The following NFIX variants were observed in gnomAD, a reference collection of about 807,000 sequenced individuals.
The protein encoded by NFIX is nuclear factor 1 X-type.
A neutral mutation model predicts 53.3 loss-of-function variants in NFIX; 2 were observed. The ratio of observed to expected loss-of-function variants is 0.04; its 90% CI spans 0.02 to 0.12. The LOEUF (loss-of-function observed/expected upper bound fraction) is 0.12, where lower values mean the gene tolerates loss of function less well. Ranked by LOEUF, NFIX falls within the 10% of genes least tolerant of loss-of-function variation. NFIX has a pLI of 1.00. For synonymous variants in NFIX, 244 were observed against 289.0 expected, an observed-to-expected ratio of 0.84 and a Z score of 1.58; for missense variants, 310 against 674.5, an observed-to-expected ratio of 0.46 and a Z score of 5.99.
At chr19:13,015,689 G>A (rs1175967195) in intron 1 of NFIX, among the ~76,000 whole-genome samples, 5 of 152,170 alleles carry the variant, frequency 3.3e-5, no homozygotes, top group Admixed American at 3.3e-4. Flanking sequence ...TCAGCTCGGC[G>A]GGTCCTGTTT....
rs896556316 is a variant in NFIX, at chr19:13,043,791, T to G, written c.559+18239T>G. Among the ~76,000 whole-genome samples the G allele has an allele frequency of 1.1e-4, 17 of 152,098 alleles. No individual in the cohort carries two copies. Among genetic ancestry groups the G allele is most frequent in the Non-Finnish European group, 1.9e-4 (13 of 67,994 alleles). ...TTGGTCCCCACTGCCATGGCACTCT[T>G]ATCTGTGTGCCTGAATATGCATGCT... On this transcript the variant is annotated intron_variant, in intron 2 of 10. Transcript: ENST00000592199. The surrounding 1 kb of genome is among the most constrained non-coding windows in gnomAD (Gnocchi z 4.0).
At chr19:13,024,764 G>T (rs1472414819) in intron 1 of NFIX, 1 of 1,514,666 alleles carries the variant, frequency 6.6e-7, no homozygotes, top group Non-Finnish European at 8.9e-7. Flanking sequence ...GTGTGTAGAG[G>T]CTCCCGGTGC....
chr19:13,019,390 C>T (rs2012839046), intron 1 of NFIX, among the ~76,000 whole-genome samples: 1 of 152,160 alleles, frequency 6.6e-6, no homozygotes, highest in African/African-American at 2.4e-5. Context: ...CCATGCATTT[C>T]TTCTCATGGA....
In NFIX at chr19:13,072,802, G is replaced by A. The variant is rs1027224730; in HGVS notation, c.560-245G>A. ...TGCACAGGATGGTCCCCACCAGAGAGAGCAATCCAGGCCAAATGTCAGCAG... is the reference window on the plus strand; with the variant it reads ...TGCACAGGATGGTCCCCACCAGAGAAAGCAATCCAGGCCAAATGTCAGCAG... On this transcript the variant is annotated intron_variant, in intron 2 of 10. Transcript: ENST00000592199. The surrounding 1 kb of genome is among the most constrained non-coding windows in gnomAD (Gnocchi z 4.0). Among the ~76,000 whole-genome samples the A allele has an allele frequency of 2.6e-5, 4 of 152,226 alleles. No individual in the cohort carries two copies. The highest frequency in any genetic ancestry group is 5.9e-5 in the Non-Finnish European group (4 of 68,046).
At chr19:13,054,498 G>A (rs1383135302) in intron 2 of NFIX, among the ~76,000 whole-genome samples, 1 of 152,108 alleles carries the variant, frequency 6.6e-6, no homozygotes, top group Non-Finnish European at 1.5e-5. Context: ...AGTCTCCAGA[G>A]TCTTGGGTGG....
chr19:13,079,199 C>T (rs1039635530), intron 7 of NFIX, among the ~76,000 whole-genome samples: 4 of 152,212 alleles, frequency 2.6e-5, no homozygotes, highest in African/African-American at 9.6e-5. Context: ...GAAGAGTACT[C>T]CTAAGGAGCC....
chr19:13,013,063 C>CT lies in NFIX; in HGVS notation c.28-11957dup, dbSNP rs1327003434. The stretch of plus-strand genomic sequence containing the variant: ...CGGGCCGCGGGGAGTTGCGCAGACT[C>CT]TAAAAAAAAAACCTTTAAAAACCCA... On this transcript the variant is annotated intron_variant, in intron 1 of 10. Coordinates refer to ENST00000592199, the MANE Select transcript of NFIX (RefSeq NM_001365902.3). The surrounding 1 kb of genome is among the most constrained non-coding windows in gnomAD (Gnocchi z 5.9). 1.7e-5 allele frequency among the ~76,000 whole-genome samples: 2 copies of CT among 118,566 alleles called. No homozygotes were observed. Among genetic ancestry groups the CT allele is most frequent in the Non-Finnish European group, 3.7e-5 (2 of 53,702 alleles). 77.8% of individuals were successfully genotyped at this position (118,566 alleles called of 152,430 possible).
In NFIX at chr19:13,081,535, C is replaced by T. The variant is rs1411501311; in HGVS notation, c.1079-145C>T. On this transcript the variant is annotated intron_variant, in intron 7 of 10. Transcript: ENST00000592199. This position sits in a 1 kb window ranked among gnomAD's most constrained non-coding sequence, Gnocchi z 4.7. The stretch of plus-strand genomic sequence containing the variant: ...CCTGATGACTGACTTTTTTGTGCCG[C>T]CTTAACTTTTGTGCCTGTGGCGGCT... The T allele has an allele frequency of 4.6e-6, 3 of 649,460 alleles. No homozygotes were observed. Among genetic ancestry groups the T allele is most frequent in the African/African-American group, 3.6e-5 (2 of 54,852 alleles). The allele number at this position is 649,460 out of a possible 1,614,324, so 40.2% of individuals were successfully genotyped here.
chr19:13,016,442 G>C (rs181263887), intron 1 of NFIX, among the ~76,000 whole-genome samples: 9 of 152,258 alleles, frequency 5.9e-5, no homozygotes, highest in Admixed American at 5.9e-4. Context: ...AAATGGTGAG[G>C]AGTAAGTTAC....
intron 1 of NFIX, among the ~76,000 whole-genome samples, chr19:13,007,118 C>T (rs551316196): frequency 5.2e-4 from 79 of 152,276 alleles, no homozygotes; most frequent in Middle Eastern, 6.8e-3. Flanking sequence ...CGCTCCCTCC[C>T]TTCCTCCCCC....
chr19:13,092,691 G>T (rs953977602), intron 10 of NFIX, among the ~76,000 whole-genome samples: 4 of 152,226 alleles, frequency 2.6e-5, no homozygotes, highest in African/African-American at 9.6e-5. Flanking sequence ...TCTCCCCTTG[G>T]GAAGGGGGTC....
In NFIX at chr19:13,067,156, G is replaced by A. The variant is rs1347284125; in HGVS notation, c.560-5891G>A. Among the ~76,000 whole-genome samples, 2 of 152,214 alleles carry A rather than the reference G, an allele frequency of 1.3e-5. No homozygotes were observed. Among genetic ancestry groups the A allele is most frequent in the Admixed American group, 6.5e-5 (1 of 15,286 alleles). ...AGGAAGCGGGAGAGAAGTAGGAGGC[G>A]GGTGCAGTGCTGGGAGGGCCAGTGA... On this transcript the variant is annotated intron_variant, in intron 2 of 10. Coordinates refer to ENST00000592199, the MANE Select transcript of NFIX (RefSeq NM_001365902.3). This position sits in a 1 kb window ranked among gnomAD's most constrained non-coding sequence, Gnocchi z 4.2.
chr19:13,059,774 A>AT (rs1555701795), intron 2 of NFIX, among the ~76,000 whole-genome samples: 148 of 123,206 alleles, frequency 1.2e-3, no homozygotes, highest in South Asian at 1.7e-3. Context: ...TTTAATTAGA[A>AT]TTCTTTTTTT....
chr19:13,085,548 C>G (rs2017729022), intron 8 of NFIX, among the ~76,000 whole-genome samples: 1 of 152,226 alleles, frequency 6.6e-6, no homozygotes, highest in Admixed American at 6.5e-5. Flanking sequence ...GCTGCAAACC[C>G]CCACGCTCTG....
At position 13,045,440 on chromosome 19, in the gene NFIX, G is replaced by A. The variant is rs971185083; in HGVS notation, c.559+19888G>A. 3.9e-5 allele frequency among the ~76,000 whole-genome samples: 6 copies of A among 152,196 alleles called. No individual in the cohort carries two copies. Among genetic ancestry groups the A allele is most frequent in the African/African-American group, 1.4e-4 (6 of 41,480 alleles). On this transcript the variant is annotated intron_variant, in intron 2 of 10. Coordinates refer to ENST00000592199, the MANE Select transcript of NFIX (RefSeq NM_001365902.3). This position sits in a 1 kb window ranked among gnomAD's most constrained non-coding sequence, Gnocchi z 4.4. ...GGTGGAGGCTGGGATGCTGCTAGCT[G>A]TCCTACACTGCACAAGACGACCCCC...
At chr19:13,061,976 T>G (rs1243806647) in intron 2 of NFIX, among the ~76,000 whole-genome samples, 1 of 152,096 alleles carries the variant, frequency 6.6e-6, no homozygotes, top group East Asian at 1.9e-4. Flanking sequence ...TGCCGTCCTA[T>G]TCAACCCATC....
chr19:13,050,336 G>C (rs1262442869), intron 2 of NFIX, among the ~76,000 whole-genome samples: 1 of 152,174 alleles, frequency 6.6e-6, no homozygotes, highest in Non-Finnish European at 1.5e-5. Flanking sequence ...TTGTCTGACG[G>C]CCTCTATCTT....
Position 13,021,546 on chromosome 19 carries a change from G to A in NFIX, c.28-3475G>A, listed in dbSNP as rs1390841700. On this transcript the variant is annotated intron_variant, in intron 1 of 10. Transcript: ENST00000592199. The surrounding 1 kb of genome is among the most constrained non-coding windows in gnomAD (Gnocchi z 4.2). ...ACGAGTGAGCAGTGACCTTTTTTCC[G>A]TCGCCAGCTGAGGACTGAGCCTCGC... 3.3e-5 allele frequency among the ~76,000 whole-genome samples: 5 copies of A among 152,148 alleles called. No homozygotes were observed. The highest frequency in any genetic ancestry group is 1.3e-4 in the Admixed American group (2 of 15,292).
In NFIX at chr19:12,998,910, A is replaced by G. The variant is rs924838840; in HGVS notation, c.27+3046A>G. Among the ~76,000 whole-genome samples the G allele has an allele frequency of 5.3e-5, 8 of 152,098 alleles. No homozygotes were observed. Among genetic ancestry groups the G allele is most frequent in the African/African-American group, 1.9e-4 (8 of 41,406 alleles). On this transcript the variant is annotated intron_variant, in intron 1 of 10. Transcript: ENST00000592199. This position sits in a 1 kb window ranked among gnomAD's most constrained non-coding sequence, Gnocchi z 4.4. ...AGGAAACTGTGGACTTGTGTTCACA[A>G]CCACCCCCAGCGCACACATAAACAC... is the stretch of plus-strand genomic sequence containing the variant.
Sources: allele counts gnomAD v4.1 joint callset (sites outside exome capture counted in the v4.1 genomes callset), GRCh38; gene constraint gnomAD v4.1.1; non-coding constraint Gnocchi (gnomAD v3.1); transcripts MANE v1.5; gene names NCBI Gene and HGNC (gene_info 2026-07-23, HGNC 2026-07-21).